ZZEF1: variants seen among roughly 807,000 people sequenced by gnomAD.
ZZEF1 encodes zinc finger ZZ-type and EF-hand domain containing 1.
A neutral mutation model predicts 342.8 loss-of-function variants in ZZEF1; 157 were observed. The observed-to-expected ratio is 0.46, with a 90% confidence interval of 0.40 to 0.52. The LOEUF (loss-of-function observed/expected upper bound fraction) is 0.52, where lower values mean the gene tolerates loss of function less well. Ranked by LOEUF, ZZEF1 falls within the 20% of genes least tolerant of loss-of-function variation. The pLI is 0.00. For synonymous variants in ZZEF1, 1,505 were observed against 1,429.1 expected, an observed-to-expected ratio of 1.05 and a Z score of -1.20; for missense variants, 3,480 against 3,725.6, an observed-to-expected ratio of 0.93 and a Z score of 1.72.
intron 43 of ZZEF1, among the ~76,000 whole-genome samples, chr17:4,024,165 T>C (rs957831978): frequency 2.1e-5 from 3 of 143,742 alleles, no homozygotes; most frequent in Non-Finnish European, 3.0e-5. Flanking sequence ...GCTGCTCATC[T>C]CCATGCCAAA....
At chr17:4,111,624 A>G (rs1403541511) in intron 5 of ZZEF1, among the ~76,000 whole-genome samples, 1 of 148,596 alleles carries the variant, frequency 6.7e-6, no homozygotes, top group Non-Finnish European at 1.5e-5. Context: ...GCACCACTGC[A>G]CTCCAGCCCA....
chr17:4,062,342 T>C (rs901996833), intron 30 of ZZEF1, among the ~76,000 whole-genome samples: 13 of 151,658 alleles, frequency 8.6e-5, no homozygotes, highest in African/African-American at 2.7e-4. Flanking sequence ...CCTTGTCTAC[T>C]GCTGCATAAC....
intron 42 of ZZEF1, among the ~76,000 whole-genome samples, chr17:4,031,909 A>G (rs1378805649): frequency 1.3e-5 from 2 of 152,310 alleles, no homozygotes; most frequent in Non-Finnish European, 2.9e-5. Context: ...ACACAGAGCC[A>G]TATACACAAA....
At chr17:4,011,118 A>G (rs2055941557) in intron 52 of ZZEF1, among the ~76,000 whole-genome samples, 1 of 151,710 alleles carries the variant, frequency 6.6e-6, no homozygotes, top group Non-Finnish European at 1.5e-5. Context: ...AAAAAAAAAG[A>G]TGGCCAGGAG....
intron 5 of ZZEF1, among the ~76,000 whole-genome samples, chr17:4,110,590 A>T (rs186198749): frequency 7.1e-4 from 108 of 152,334 alleles, no homozygotes; most frequent in African/African-American, 2.5e-3. Flanking sequence ...AAATAAGCCC[A>T]GAAAGCAATC....
Position 4,034,214 on chromosome 17 carries a change from G to C in ZZEF1, c.6385C>G (p.Leu2129Val), listed in dbSNP as rs748180462. The change falls in exon 40 of 55, where the codon CTG (leucine) becomes GTG (valine). Residue 2129 changes from leucine to valine, a missense_variant. This residue lies in a region of ZZEF1 where 1,269 missense variants were observed against 1,342.4 expected (regional missense o/e 0.95). Transcript: ENST00000381638. ...AGGGTGAGATGGTAGGTTTCATTCA[G>C]GTGGCCTGCGTTTGAGATGACAACC... Reference protein sequence around the residue: ...FQVVISNAGHLNETYHLTLGL... With the variant: ...FQVVISNAGHVNETYHLTLGL... 1.2e-6 allele frequency: 2 copies of C among 1,614,086 alleles called. No homozygotes were observed. Among genetic ancestry groups the C allele is most frequent in the African/African-American group, 2.7e-5 (2 of 74,934 alleles).
intron 32 of ZZEF1, among the ~76,000 whole-genome samples, chr17:4,057,228 T>G (rs1199397801): frequency 1.3e-5 from 2 of 152,190 alleles, no homozygotes; most frequent in Non-Finnish European, 2.9e-5. Flanking sequence ...CACAGGCTCA[T>G]GCCCCCTAGT....
At chr17:4,085,315 CA>C (rs1293789542) in intron 16 of ZZEF1, among the ~76,000 whole-genome samples, 2 of 152,048 alleles carry the variant, frequency 1.3e-5, no homozygotes, top group African/African-American at 4.8e-5. Context: ...ATTTGGGGGA[CA>C]GGGGCATTCA....
At chr17:4,057,171 G>C (rs2057179786) in intron 32 of ZZEF1, among the ~76,000 whole-genome samples, 1 of 152,244 alleles carries the variant, frequency 6.6e-6, no homozygotes, top group South Asian at 2.1e-4. Context: ...ACTGTGGCGT[G>C]CGGGGAGACA....
intron 42 of ZZEF1, among the ~76,000 whole-genome samples, chr17:4,031,248 G>A (rs191466866): frequency 2.6e-5 from 4 of 151,978 alleles, no homozygotes; most frequent in Admixed American, 1.3e-4. Flanking sequence ...CCCAGGAGGC[G>A]GAGGTTGCAG....
Position 4,064,516 on chromosome 17 carries a change from T to C in ZZEF1, c.4563A>G (p.Thr1521=). Residue 1521 remains threonine (T), a synonymous_variant, in exon 29 of 55, where the codon ACA becomes ACG. Coordinates refer to ENST00000381638, the MANE Select transcript of ZZEF1 (RefSeq NM_015113.4). The stretch of plus-strand genomic sequence containing the variant: ...GGGTGAAGGGAGGCCGGCGGGTGGG[T>C]GTGGAAGGTGACAAGGGCTCTTCAG... ...ATAEEPLSPS[T]PTRRPPFTRG... is the part of the protein sequence containing the mutation. 1.2e-6 allele frequency: 2 copies of C among 1,613,706 alleles called. No homozygotes were observed. The highest frequency in any genetic ancestry group is 1.7e-6 in the Non-Finnish European group (2 of 1,179,930).
chr17:4,083,861 C>T (rs2057770944), intron 16 of ZZEF1, among the ~76,000 whole-genome samples: 1 of 152,144 alleles, frequency 6.6e-6, no homozygotes, highest in South Asian at 2.1e-4. Flanking sequence ...CTTATGTCTG[C>T]TCATTGGCTG....
intron 52 of ZZEF1, among the ~76,000 whole-genome samples, chr17:4,010,132 T>A (rs1332813597): frequency 6.6e-6 from 1 of 151,402 alleles, no homozygotes; most frequent in Non-Finnish European, 1.5e-5. Context: ...GAGACCAACC[T>A]GGGAAATAAA....
In ZZEF1 at chr17:4,005,305, G is replaced by A. The variant is rs2055779033; in HGVS notation, c.*1585C>T. On this transcript the variant is annotated 3_prime_UTR_variant, in exon 55 of 55. Transcript: ENST00000381638. ...AAAAGATGGGAAAAGGGTTTCTACGGAGCCAGCAGCACCTGCCTATTCAGG... is the reference window on the plus strand; with the variant it reads ...AAAAGATGGGAAAAGGGTTTCTACGAAGCCAGCAGCACCTGCCTATTCAGG... 1 of 152,516 alleles carries A rather than the reference G, an allele frequency of 6.6e-6. No individual in the cohort carries two copies. Among genetic ancestry groups the A allele is most frequent in the South Asian group, 2.1e-4 (1 of 4,844 alleles). 9.4% of individuals were successfully genotyped at this position (152,516 alleles called of 1,614,324 possible). A position where few individuals can be genotyped will look rare whatever the true frequency, so the allele number is the denominator to read the frequency against.
Position 4,059,187 on chromosome 17 carries a change from T to C in ZZEF1, c.4987A>G (p.Ser1663Gly), listed in dbSNP as rs1160994230. ...LFLVKAVKGFSSLNDRSLLPA... is the reference protein window; with the variant it reads ...LFLVKAVKGFGSLNDRSLLPA... ...ATCCAGTACCTGTCATTTAGGCTAC[T>C]AAATCCTTTAACTGCTTTGACCAAA... Residue 1663 changes from serine (S) to glycine (G), a missense_variant, in exon 31 of 55, where the codon AGT becomes GGT. Around this residue, in one of 5 missense-constraint regions of ZZEF1, gnomAD observed 1,528 missense variants for 1,624.1 expected, o/e 0.94. Coordinates refer to ENST00000381638, the MANE Select transcript of ZZEF1 (RefSeq NM_015113.4). 1 of 1,597,608 alleles carries C rather than the reference T, an allele frequency of 6.3e-7. No individual in the cohort carries two copies. The highest frequency in any genetic ancestry group is 2.2e-5 in the East Asian group (1 of 44,488).
At chr17:4,114,182 T>C (rs1291876111) in intron 4 of ZZEF1, 117 bp downstream of exon 4, 2 of 738,916 alleles carry the variant, frequency 2.7e-6, no homozygotes, top group East Asian at 6.3e-5. Context: ...TTTTACATGA[T>C]TCATTTTACT....
At chr17:4,109,603 G>A (rs746929784) in intron 6 of ZZEF1, 50 bp downstream of exon 6, 3 of 1,578,622 alleles carry the variant, frequency 1.9e-6, no homozygotes, top group Admixed American at 3.4e-5. Context: ...AAGGATGATG[G>A]GAGAATGAGG....
intron 43 of ZZEF1, among the ~76,000 whole-genome samples, chr17:4,023,265 T>C (rs960991013): frequency 6.6e-6 from 1 of 152,206 alleles, no homozygotes. Context: ...AAGGCTTTTT[T>C]TGACCCACAG....
intron 13 of ZZEF1, among the ~76,000 whole-genome samples, chr17:4,087,873 T>C (rs1307736367): frequency 6.6e-6 from 1 of 151,358 alleles, no homozygotes; most frequent in Non-Finnish European, 1.5e-5. Context: ...AGCCAGTCTT[T>C]CCTGGATGAT....
Sources: gnomAD v4.1 joint callset for allele counts (sites outside exome capture counted in the v4.1 genomes callset) on GRCh38, gnomAD v4.1.1 for gene constraint, gnomAD v4.1.1 regional missense constraint, MANE v1.5 for transcripts, NCBI Gene and HGNC (gene_info 2026-07-23, HGNC 2026-07-21) for gene names.